The following COL26A1 variants were observed in gnomAD, a reference collection of about 807,000 sequenced individuals.
COL26A1 encodes collagen type XXVI alpha 1 chain, also known as collagen alpha-1(XXVI) chain.
A neutral mutation model predicts 59.3 loss-of-function variants in COL26A1; 41 were observed. That is an observed-to-expected ratio of 0.69 (90% CI 0.54 to 0.90). The LOEUF (loss-of-function observed/expected upper bound fraction) is 0.90, where lower values mean the gene tolerates loss of function less well. Among genes scored for constraint, COL26A1 ranks in the 40% least tolerant of loss-of-function variants. COL26A1 has a pLI of 0.00. For missense variants in COL26A1, 612 were observed against 602.3 expected, an observed-to-expected ratio of 1.02 and a Z score of -0.17; for synonymous variants, 266 against 256.0, an observed-to-expected ratio of 1.04 and a Z score of -0.37.
Position 101,489,663 on chromosome 7 carries a change from TCCTTCC to T in COL26A1, c.385+41877_385+41882del, listed in dbSNP as rs1257939013. Reference sequence around the variant, plus strand: ...TTTCTTTCTTTCTTTCTTTCTTTCTTCCTTCCTTCCTTCCTTCCTTTCTTTCTTTCT... The same window carrying T: ...TTTCTTTCTTTCTTTCTTTCTTTCTTTTCCTTCCTTCCTTTCTTTCTTTCT... On this transcript the variant is annotated intron_variant, in intron 3 of 12. Coordinates refer to ENST00000313669, the MANE Select transcript of COL26A1 (RefSeq NM_001278563.3). Among the ~76,000 whole-genome samples, 20 of 51,748 alleles carry T rather than the reference TCCTTCC, an allele frequency of 3.9e-4. 7 individuals are homozygous for T. Among genetic ancestry groups the T allele is most frequent in the African/African-American group, 3.7e-3 (18 of 4,914 alleles). 33.9% of individuals were successfully genotyped at this position (51,748 alleles called of 152,430 possible). A position where few individuals can be genotyped will look rare whatever the true frequency, so the allele number is the denominator to read the frequency against.
At chr7:101,369,250 T>C (rs1315552413) in intron 1 of COL26A1, among the ~76,000 whole-genome samples, 1 of 151,592 alleles carries the variant, frequency 6.6e-6, no homozygotes, top group African/African-American at 2.4e-5. Flanking sequence ...CTACTAAGAA[T>C]ACAAAAATTA....
intron 1 of COL26A1, among the ~76,000 whole-genome samples, chr7:101,371,881 T>A (rs530778240): frequency 6.6e-6 from 1 of 152,144 alleles, no homozygotes; most frequent in African/African-American, 2.4e-5. Flanking sequence ...AAGAGTGGAA[T>A]TTGGTGTGAT....
intron 3 of COL26A1, among the ~76,000 whole-genome samples, chr7:101,476,461 A>G (rs960408952): frequency 6.6e-6 from 1 of 152,334 alleles, no homozygotes; most frequent in East Asian, 1.9e-4. Context: ...ATAGCAAAAC[A>G]CTGGGTTTTG....
intron 3 of COL26A1, among the ~76,000 whole-genome samples, chr7:101,470,814 TG>T (rs1793880356): frequency 6.6e-6 from 1 of 152,068 alleles, no homozygotes; most frequent in South Asian, 2.1e-4. Context: ...CTTCTCTTCC[TG>T]GGGGTCAAGG....
intron 1 of COL26A1, among the ~76,000 whole-genome samples, chr7:101,385,923 G>A (rs938692702): frequency 6.6e-6 from 1 of 151,682 alleles, no homozygotes; most frequent in Admixed American, 6.6e-5. Flanking sequence ...TAGTTAGCTA[G>A]GATGGTCTCG....
intron 3 of COL26A1, among the ~76,000 whole-genome samples, chr7:101,496,541 A>G (rs937830804): frequency 9.9e-5 from 15 of 152,012 alleles, no homozygotes; most frequent in Non-Finnish European, 1.3e-4. Context: ...TTCTACGCTC[A>G]TCCTCTTCCT....
At chr7:101,423,141 C>T (rs117705425) in intron 2 of COL26A1, among the ~76,000 whole-genome samples, 2,373 of 152,036 alleles carry the variant, frequency 0.016, 25 homozygotes, top group East Asian at 0.037. Flanking sequence ...GGTGAGCACC[C>T]GTAATCCCAG....
At chr7:101,413,526 A>AGAAAGGAAAT (rs71106524) in intron 1 of COL26A1, among the ~76,000 whole-genome samples, 57,897 of 150,214 alleles carry the variant, frequency 0.39, 13,919 homozygotes, top group Admixed American at 0.53. Flanking sequence ...TCTCAAGAAA[A>AGAAAGGAAAT]GAAAGGAAAT....
chr7:101,378,719 C>T (rs1425219771), intron 1 of COL26A1, among the ~76,000 whole-genome samples: 1 of 152,004 alleles, frequency 6.6e-6, no homozygotes, highest in Non-Finnish European at 1.5e-5. Context: ...TAAATATTAT[C>T]TGTCTTTGTT....
At chr7:101,549,131 C>T (rs761979118) in intron 8 of COL26A1, 40 bp from the exon 9 acceptor site, 2 of 1,308,890 alleles carry the variant, frequency 1.5e-6, no homozygotes, top group Non-Finnish European at 2.1e-6. Flanking sequence ...GGGGCGCCCC[C>T]TCTCTGGCCC....
At chr7:101,496,656 C>T (rs1363095638) in intron 3 of COL26A1, among the ~76,000 whole-genome samples, 3 of 152,106 alleles carry the variant, frequency 2.0e-5, no homozygotes, top group East Asian at 1.9e-4. Flanking sequence ...GAGGCCAAGG[C>T]GGATGGATCA....
chr7:101,410,221 C>A (rs182290362), intron 1 of COL26A1, among the ~76,000 whole-genome samples: 1 of 152,012 alleles, frequency 6.6e-6, no homozygotes, highest in Non-Finnish European at 1.5e-5. Flanking sequence ...AGCTGGTGTT[C>A]GTTGGTTCAT....
intron 3 of COL26A1, among the ~76,000 whole-genome samples, chr7:101,459,364 T>G (rs750279743): frequency 1.3e-5 from 2 of 152,138 alleles, no homozygotes; most frequent in African/African-American, 2.4e-5. Flanking sequence ...AGTGGCACGA[T>G]CTCGTGCTCA....
intron 3 of COL26A1, among the ~76,000 whole-genome samples, chr7:101,524,879 A>G (rs1348600083): frequency 6.6e-6 from 1 of 152,164 alleles, no homozygotes; most frequent in Non-Finnish European, 1.5e-5. Context: ...GCCATGGTGC[A>G]AGACCCATCA....
chr7:101,446,075 G>C (rs1793188371), intron 2 of COL26A1, among the ~76,000 whole-genome samples: 1 of 116,164 alleles, frequency 8.6e-6, no homozygotes, highest in African/African-American at 2.8e-5. Flanking sequence ...AAAAAAGACA[G>C]TGATGGGGGA....
chr7:101,401,116 G>C (rs774961126), intron 1 of COL26A1, among the ~76,000 whole-genome samples: 1 of 152,186 alleles, frequency 6.6e-6, no homozygotes, highest in Non-Finnish European at 1.5e-5. Flanking sequence ...GGATGGCGCT[G>C]TCATACCAGC....
intron 1 of COL26A1, among the ~76,000 whole-genome samples, chr7:101,379,102 C>T (rs184451579): frequency 6.6e-6 from 1 of 152,224 alleles, no homozygotes; most frequent in Admixed American, 6.5e-5. Context: ...GTCATTCCTG[C>T]TCTTCTGGGA....
chr7:101,497,009 G>A (rs12333932), intron 3 of COL26A1, among the ~76,000 whole-genome samples: 14,506 of 152,150 alleles, frequency 0.095, 1,309 homozygotes, highest in African/African-American at 0.24. Context: ...AGGCCGAGGC[G>A]GGCAGATCAC....
intron 1 of COL26A1, among the ~76,000 whole-genome samples, chr7:101,369,888 G>GT: frequency 6.6e-6 from 1 of 151,672 alleles, no homozygotes; most frequent in Middle Eastern, 3.2e-3. Context: ...TTGAGATGGA[G>GT]TTTCGCTCTT....
Sources: allele counts gnomAD v4.1 joint callset (sites outside exome capture counted in the v4.1 genomes callset), GRCh38; gene constraint gnomAD v4.1.1; transcripts MANE v1.5; gene names NCBI Gene and HGNC (gene_info 2026-07-23, HGNC 2026-07-21).